Variants in NRXN1 observed in about 807,000 individuals in gnomAD.
NRXN1 encodes neurexin-1.
NRXN1 carries 39 observed loss-of-function variants against 150.9 expected under a neutral mutation model. The ratio of observed to expected loss-of-function variants is 0.26; its 90% CI spans 0.20 to 0.34. The LOEUF is 0.34. Ranked by LOEUF, NRXN1 falls within the 10% of genes least tolerant of loss-of-function variation. The pLI is 1.00. For missense variants in NRXN1, 1,815 were observed against 1,949.9 expected, an observed-to-expected ratio of 0.93 and a Z score of 1.30; for synonymous variants, 924 against 757.0, an observed-to-expected ratio of 1.22 and a Z score of -3.62.
intron 21 of NRXN1, among the ~76,000 whole-genome samples, chr2:50,014,430 GT>G (rs1388075314): frequency 6.6e-6 from 1 of 152,070 alleles, no homozygotes; most frequent in Non-Finnish European, 1.5e-5. Flanking sequence ...ATTCTTACTT[GT>G]GGGGGACTGA....
At chr2:50,951,935 A>G (rs1270246142) in intron 2 of NRXN1, among the ~76,000 whole-genome samples, 5 of 140,550 alleles carry the variant, frequency 3.6e-5, no homozygotes, top group African/African-American at 1.3e-4. Flanking sequence ...AAAACTGTAC[A>G]TGAATAAATA....
chr2:50,412,955 T>C (rs2083293358), intron 17 of NRXN1, among the ~76,000 whole-genome samples: 1 of 152,180 alleles, frequency 6.6e-6, no homozygotes, highest in Non-Finnish European at 1.5e-5. Flanking sequence ...AAGTCTTAAA[T>C]CTAAGACCTC....
chr2:49,972,158 T>C (rs921392630), intron 21 of NRXN1, among the ~76,000 whole-genome samples: 5 of 152,292 alleles, frequency 3.3e-5, no homozygotes, highest in Middle Eastern at 3.4e-3. Context: ...GTAAGAGTCA[T>C]TAAAATCAGA....
At chr2:50,056,525 A>T (rs1162592821) in intron 19 of NRXN1, among the ~76,000 whole-genome samples, 1 of 152,176 alleles carries the variant, frequency 6.6e-6, no homozygotes, top group Admixed American at 6.6e-5. Flanking sequence ...AAAACATTGT[A>T]AAATAATATT....
chr2:50,498,304 C>T (rs562379333), intron 13 of NRXN1, among the ~76,000 whole-genome samples: 1 of 152,250 alleles, frequency 6.6e-6, no homozygotes, highest in African/African-American at 2.4e-5. Context: ...CCTCTTCGTG[C>T]TCAATAATGA....
At chr2:50,718,155 T>C (rs1005564305) in intron 5 of NRXN1, among the ~76,000 whole-genome samples, 1 of 152,202 alleles carries the variant, frequency 6.6e-6, no homozygotes, top group Non-Finnish European at 1.5e-5. Flanking sequence ...GTTAAATGCA[T>C]GGTTTTTGAG....
At chr2:50,209,707 A>G (rs974320833) in intron 18 of NRXN1, among the ~76,000 whole-genome samples, 1 of 152,082 alleles carries the variant, frequency 6.6e-6, no homozygotes, top group South Asian at 2.1e-4. Flanking sequence ...GTTTCAATAA[A>G]AACATGGAAA....
intron 17 of NRXN1, among the ~76,000 whole-genome samples, chr2:50,456,195 A>G (rs914125155): frequency 1.3e-5 from 2 of 152,070 alleles, no homozygotes; most frequent in South Asian, 2.1e-4. Flanking sequence ...AAATTCTTCT[A>G]TGGTAGCTGA....
At chr2:50,528,419 T>A (rs1277148979) in intron 12 of NRXN1, among the ~76,000 whole-genome samples, 1 of 152,136 alleles carries the variant, frequency 6.6e-6, no homozygotes, top group Non-Finnish European at 1.5e-5. Flanking sequence ...TTTTTCCATA[T>A]AGAGGTAGGA....
At chr2:50,394,513 A>G (rs945674887) in intron 17 of NRXN1, among the ~76,000 whole-genome samples, 3 of 152,052 alleles carry the variant, frequency 2.0e-5, no homozygotes, top group Admixed American at 2.0e-4. Flanking sequence ...CGGCAAGTGC[A>G]GTCTGCTCTG....
chr2:49,928,682 G>A (rs1294286770), intron 22 of NRXN1, among the ~76,000 whole-genome samples: 1 of 151,948 alleles, frequency 6.6e-6, no homozygotes, highest in Non-Finnish European at 1.5e-5. Flanking sequence ...TACAGTGTAG[G>A]CCAGAAGAAA....
At chr2:50,924,223 C>T (rs1033610542) in intron 3 of NRXN1, among the ~76,000 whole-genome samples, 16 of 151,694 alleles carry the variant, frequency 1.1e-4, no homozygotes, top group African/African-American at 3.4e-4. Flanking sequence ...GATGCTACAT[C>T]AATAAGGATG....
At chr2:50,664,911 C>A (rs1432039838) in intron 5 of NRXN1, among the ~76,000 whole-genome samples, 1 of 151,744 alleles carries the variant, frequency 6.6e-6, no homozygotes, top group Non-Finnish European at 1.5e-5. Flanking sequence ...AGATATTTAT[C>A]CTTCAAATTA....
chr2:50,714,725 A>G (rs558315419), intron 5 of NRXN1, among the ~76,000 whole-genome samples: 1 of 152,256 alleles, frequency 6.6e-6, no homozygotes, highest in African/African-American at 2.4e-5. Context: ...ACCAAATGTC[A>G]AATATGCTGA....
intron 8 of NRXN1, among the ~76,000 whole-genome samples, chr2:50,600,247 T>C (rs979681863): frequency 1.3e-5 from 2 of 151,912 alleles, no homozygotes; most frequent in East Asian, 3.9e-4. Context: ...TATTATGACT[T>C]GCAAAGTTTG....
chr2:50,933,820 G>C (rs368169615), intron 2 of NRXN1, among the ~76,000 whole-genome samples: 9 of 152,042 alleles, frequency 5.9e-5, no homozygotes, highest in African/African-American at 2.2e-4. Flanking sequence ...TGAACAGAAA[G>C]AGAAATTTCC....
At chr2:50,208,259 T>C (rs1266932163) in intron 18 of NRXN1, among the ~76,000 whole-genome samples, 2 of 152,082 alleles carry the variant, frequency 1.3e-5, no homozygotes, top group African/African-American at 4.8e-5. Flanking sequence ...ACTAGCACAA[T>C]GAACTCATGC....
chr2:50,673,151 TCA>T (rs1189956197), intron 5 of NRXN1, among the ~76,000 whole-genome samples: 2 of 152,058 alleles, frequency 1.3e-5, no homozygotes, highest in Non-Finnish European at 2.9e-5. Flanking sequence ...ATGCCAGCTC[TCA>T]GATTTGCTTA....
At chr2:50,538,695 T>G in intron 9 of NRXN1, 59 bp from the exon 10 acceptor site, 1 of 1,335,920 alleles carries the variant, frequency 7.5e-7, no homozygotes, top group East Asian at 2.5e-5. Flanking sequence ...GTTATAATTA[T>G]CTTTCTCTCT....
Sources: gnomAD v4.1 joint callset for allele counts (sites outside exome capture counted in the v4.1 genomes callset) on GRCh38, gnomAD v4.1.1 for gene constraint, MANE v1.5 for transcripts, NCBI Gene and HGNC (gene_info 2026-07-23, HGNC 2026-07-21) for gene names.